The following PTPRU variants were observed in gnomAD, a reference collection of about 807,000 sequenced individuals.
PTPRU encodes receptor-type tyrosine-protein phosphatase U.
A neutral mutation model predicts 166.3 loss-of-function variants in PTPRU; 69 were observed. The observed-to-expected ratio is 0.41, with a 90% CI of 0.34 to 0.51. The LOEUF (loss-of-function observed/expected upper bound fraction) is 0.51, where lower values mean the gene tolerates loss of function less well. PTPRU is among the 20% of genes least tolerant of loss of function. The pLI is 0.09. For synonymous variants in PTPRU, 793 were observed against 814.0 expected (o/e 0.97, Z 0.44); for missense variants, 1,657 against 2,013.7 (o/e 0.82, Z 3.39).
intron 7 of PTPRU, among the ~76,000 whole-genome samples, chr1:29,272,472 G>C (rs10915247): frequency 0.48 from 72,736 of 152,104 alleles, 19,310 homozygotes; most frequent in Middle Eastern, 0.61. Flanking sequence ...GGTGGAAACA[G>C]AATCTTGTAT....
chr1:29,315,392 G>T lies in PTPRU; in HGVS notation c.3248G>T (p.Gly1083Val). 1 of 1,614,228 alleles carries T rather than the reference G, an allele frequency of 6.2e-7. No homozygotes were observed. The highest frequency in any genetic ancestry group is 1.3e-5 in the African/African-American group (1 of 75,062). Residue 1083 changes from glycine (G) to valine (V), a missense_variant, in exon 23 of 30, where the codon GGT becomes GTT. Physicochemically the swap from Gly to Val is moderately radical, Grantham distance 109. This residue lies in a region of PTPRU where 1,190 missense variants were observed against 1,477.4 expected (regional missense o/e 0.81). Coordinates refer to ENST00000373779, the MANE Select transcript of PTPRU (RefSeq NM_133178.4). This position sits in a 1 kb window ranked among gnomAD's most constrained non-coding sequence, Gnocchi z 4.5. ...IHCSAGTGRT[G>V]CYIVLDVMLD... is the part of the protein sequence containing the mutation. ...TCCAGCGCGGGCACCGGCCGCACAG[G>T]TTGCTATATCGTCCTGGATGTGATG... is the stretch of plus-strand genomic sequence containing the variant.
chr1:29,269,177 G>T (rs1685428440), intron 7 of PTPRU, among the ~76,000 whole-genome samples: 1 of 140,524 alleles, frequency 7.1e-6, no homozygotes, highest in South Asian at 2.2e-4. Context: ...CTAAGCAGCT[G>T]GGGCTACAGG....
intron 7 of PTPRU, among the ~76,000 whole-genome samples, chr1:29,273,443 GC>G (rs1270165972): frequency 1.3e-5 from 2 of 152,014 alleles, no homozygotes; most frequent in African/African-American, 4.8e-5. Context: ...TTATTTTTGC[GC>G]TTTTAGTAGA....
At chr1:29,272,855 C>T (rs1426325260) in intron 7 of PTPRU, among the ~76,000 whole-genome samples, 5 of 137,330 alleles carry the variant, frequency 3.6e-5, no homozygotes, top group East Asian at 2.3e-4. Context: ...TGCAGTGAGC[C>T]GAGATCCTGC....
chr1:29,299,330 G>C (rs761406817), intron 15 of PTPRU, among the ~76,000 whole-genome samples: 1 of 152,194 alleles, frequency 6.6e-6, no homozygotes, highest in Non-Finnish European at 1.5e-5. Context: ...GACTTTGAAG[G>C]TGGGCCTATG....
chr1:29,294,213 G>A (rs1431692942), intron 15 of PTPRU, among the ~76,000 whole-genome samples: 4 of 152,186 alleles, frequency 2.6e-5, no homozygotes, highest in Non-Finnish European at 5.9e-5. Context: ...AAGACTTTCT[G>A]TTGCTCTACA....
intron 7 of PTPRU, among the ~76,000 whole-genome samples, chr1:29,268,788 A>G: frequency 6.6e-6 from 1 of 152,180 alleles, no homozygotes; most frequent in Non-Finnish European, 1.5e-5. Flanking sequence ...GAGGATCTCT[A>G]TTGCACTCCC....
intron 14 of PTPRU, chr1:29,289,848 C>T (rs942508391): frequency 4.2e-5 from 41 of 977,166 alleles, no homozygotes; most frequent in Non-Finnish European, 5.2e-5. Flanking sequence ...CTGGTCACCT[C>T]GGCCTCTGAC....
At chr1:29,323,915 G>T (rs1480657025) in intron 28 of PTPRU, 127 bp downstream of exon 28, 2 of 1,222,140 alleles carry the variant, frequency 1.6e-6, no homozygotes, top group Non-Finnish European at 2.2e-6. Context: ...GCTCTTAGAT[G>T]GCTGTGGCCA....
intron 24 of PTPRU, among the ~76,000 whole-genome samples, 158 bp downstream of exon 24, chr1:29,316,309 G>A (rs1687898628): frequency 6.6e-6 from 1 of 152,162 alleles, no homozygotes; most frequent in Non-Finnish European, 1.5e-5. Flanking sequence ...AGGACTTTGG[G>A]ACAGCGGAAG....
chr1:29,256,085 A>G (rs1302196846), intron 2 of PTPRU, among the ~76,000 whole-genome samples: 2 of 152,166 alleles, frequency 1.3e-5, no homozygotes, highest in Non-Finnish European at 2.9e-5. Flanking sequence ...CACTTAACGT[A>G]TCTGAGCCTC....
intron 15 of PTPRU, among the ~76,000 whole-genome samples, chr1:29,299,603 C>T (rs1687048341): frequency 6.6e-6 from 1 of 152,210 alleles, no homozygotes; most frequent in Admixed American, 6.5e-5. Flanking sequence ...TCCTCAGCCA[C>T]TGTGCACTGA....
intron 3 of PTPRU, 151 bp downstream of exon 3, chr1:29,258,927 G>A: frequency 2.5e-6 from 3 of 1,212,778 alleles, no homozygotes; most frequent in Non-Finnish European, 2.2e-6. Context: ...GGTCAGTCTG[G>A]GGCCAGTCTG....
At position 29,243,728 on chromosome 1, in the gene PTPRU, G is replaced by T. The variant is rs536640923; in HGVS notation, c.73+7011G>T. Among the ~76,000 whole-genome samples, 126 of 152,312 alleles carry T rather than the reference G, an allele frequency of 8.3e-4. 1 individual carries two copies. Among genetic ancestry groups the T allele is most frequent in the African/African-American group, 2.9e-3 (122 of 41,568 alleles). ...CCCCCAGGGGCTGAGCTGTGTCTTT[G>T]TCATCTGTGGTCCCCAGGGCCTATA... is the stretch of plus-strand genomic sequence containing the variant. On this transcript the variant is annotated intron_variant, in intron 1 of 29. Coordinates refer to ENST00000373779, the MANE Select transcript of PTPRU (RefSeq NM_133178.4).
Position 29,315,309 on chromosome 1 carries a change from TCTC to T in PTPRU, c.3228-60_3228-58del. The stretch of plus-strand genomic sequence containing the variant: ...CATGGCCAGTGCCCTCCTCTCTTCT[TCTC>T]CTTAGTCCCGGGCTTCCTCCCCAAA... On this transcript the variant is annotated intron_variant, in intron 22 of 29. Coordinates refer to ENST00000373779, the MANE Select transcript of PTPRU (RefSeq NM_133178.4). This position sits in a 1 kb window ranked among gnomAD's most constrained non-coding sequence, Gnocchi z 4.5. The T allele has an allele frequency of 6.2e-7, 1 of 1,601,500 alleles. No individual in the cohort carries two copies. The highest frequency in any genetic ancestry group is 2.2e-5 in the East Asian group (1 of 44,752).
At chr1:29,254,112 A>T (rs1014039593) in intron 1 of PTPRU, among the ~76,000 whole-genome samples, 5 of 152,182 alleles carry the variant, frequency 3.3e-5, no homozygotes, top group African/African-American at 9.7e-5. Flanking sequence ...AATCGGGAGG[A>T]GTACCAGTGG....
At chr1:29,313,943 C>T (rs919534405) in intron 22 of PTPRU, among the ~76,000 whole-genome samples, 1 of 152,170 alleles carries the variant, frequency 6.6e-6, no homozygotes, top group Non-Finnish European at 1.5e-5. Flanking sequence ...GGCCTGAATT[C>T]CCCCATCCCC....
chr1:29,262,695 G>A (rs1172541022), intron 7 of PTPRU, among the ~76,000 whole-genome samples: 1 of 152,146 alleles, frequency 6.6e-6, no homozygotes, highest in Non-Finnish European at 1.5e-5. Context: ...TGTGTCCCCT[G>A]CAGATATGGG....
chr1:29,305,208 C>T, intron 17 of PTPRU, 144 bp from the exon 18 acceptor site: 2 of 746,562 alleles, frequency 2.7e-6, no homozygotes, highest in South Asian at 3.4e-5. Flanking sequence ...CCATGGTGCC[C>T]AGAGACTACT....
Sources: gnomAD v4.1 joint callset for allele counts (sites outside exome capture counted in the v4.1 genomes callset) on GRCh38, gnomAD v4.1.1 for gene constraint, gnomAD v4.1.1 regional missense constraint, Gnocchi (gnomAD v3.1) non-coding constraint, MANE v1.5 for transcripts, NCBI Gene and HGNC (gene_info 2026-07-23, HGNC 2026-07-21) for gene names.